Variants in MAGI2 observed in about 807,000 individuals in gnomAD.
The protein encoded by MAGI2 is membrane-associated guanylate kinase, WW and PDZ domain-containing protein 2.
A neutral mutation model predicts 133.3 loss-of-function variants in MAGI2; 35 were observed. The observed-to-expected ratio is 0.26, with a 90% CI of 0.20 to 0.35. MAGI2 has a LOEUF of 0.35. MAGI2 is among the 10% of genes least tolerant of loss of function. MAGI2 has a pLI of 1.00. For missense variants in MAGI2, 1,636 were observed against 1,863.4 expected (o/e 0.88, Z 2.25); for synonymous variants, 729 against 710.6 (o/e 1.03, Z -0.41).
intron 9 of MAGI2, among the ~76,000 whole-genome samples, chr7:78,296,724 ATGCT>A (rs1183584689): frequency 2.4e-4 from 37 of 152,196 alleles, no homozygotes; most frequent in African/African-American, 8.9e-4. Flanking sequence ...GGTTTCGGAA[ATGCT>A]TGCTTAAGCA....
chr7:79,039,868 A>AT (rs1491576354), intron 1 of MAGI2, among the ~76,000 whole-genome samples: 2 of 144,780 alleles, frequency 1.4e-5, no homozygotes, highest in Non-Finnish European at 3.0e-5. Context: ...TATATATATA[A>AT]TATATATGTA....
At chr7:78,129,743 G>C (rs1002224222) in intron 18 of MAGI2, among the ~76,000 whole-genome samples, 1 of 151,838 alleles carries the variant, frequency 6.6e-6, no homozygotes, top group African/African-American at 2.4e-5. Flanking sequence ...TCGGGAGTTC[G>C]AGACTAACAT....
At chr7:79,198,569 T>G (rs1262212782) in intron 1 of MAGI2, among the ~76,000 whole-genome samples, 2 of 151,996 alleles carry the variant, frequency 1.3e-5, no homozygotes, top group African/African-American at 4.8e-5. Context: ...CATACTCGCT[T>G]TCTTTGCTTA....
Position 78,019,867 on chromosome 7 carries a change from T to C in MAGI2, c.3816A>G (p.Pro1272=). 6.2e-7 allele frequency: 1 copy of C among 1,612,258 alleles called. No individual in the cohort carries two copies. Among genetic ancestry groups the C allele is most frequent in the South Asian group, 1.1e-5 (1 of 90,898 alleles). The change falls in exon 22 of 22, where the codon CCA becomes CCG. Residue 1272 remains proline (P), a synonymous_variant. Transcript: ENST00000354212. ...LAPFSPSHPA[P]PSDPSHQISP... is the part of the protein sequence containing the mutation. ...TTATCTGGTGGGAAGGGTCGGAGGG[T>C]GGGGCTGGATGTGATGGAGAGAATG...
At chr7:78,235,463 G>A (rs1002776047) in intron 10 of MAGI2, among the ~76,000 whole-genome samples, 25 of 152,272 alleles carry the variant, frequency 1.6e-4, no homozygotes, top group Non-Finnish European at 3.2e-4. Context: ...GGAACCCAGT[G>A]GGAAGTAATT....
At chr7:78,289,905 A>G (rs1796526806) in intron 9 of MAGI2, among the ~76,000 whole-genome samples, 1 of 152,182 alleles carries the variant, frequency 6.6e-6, no homozygotes, top group Non-Finnish European at 1.5e-5. Flanking sequence ...AAATGCTGAG[A>G]GATTTTGTCA....
At chr7:79,350,003 T>C (rs569270695) in intron 1 of MAGI2, among the ~76,000 whole-genome samples, 1 of 152,196 alleles carries the variant, frequency 6.6e-6, no homozygotes, top group Non-Finnish European at 1.5e-5. Context: ...CTAGCAGGCA[T>C]TCAGCCAATT....
intron 3 of MAGI2, among the ~76,000 whole-genome samples, chr7:78,582,764 A>T (rs1450061141): frequency 6.6e-6 from 1 of 152,044 alleles, no homozygotes; most frequent in African/African-American, 2.4e-5. Context: ...TATAACATAG[A>T]CTCCTCTAGA....
intron 2 of MAGI2, among the ~76,000 whole-genome samples, chr7:78,958,896 A>G (rs1237779323): frequency 6.6e-6 from 1 of 152,148 alleles, no homozygotes; most frequent in Non-Finnish European, 1.5e-5. Context: ...ATTTACAAAG[A>G]TATGTGCTGT....
chr7:79,040,406 T>C (rs904482278), intron 1 of MAGI2, among the ~76,000 whole-genome samples: 1 of 152,030 alleles, frequency 6.6e-6, no homozygotes, highest in African/African-American at 2.4e-5. Flanking sequence ...CTAATACATA[T>C]GTGGAAGCTA....
At chr7:78,225,711 G>C (rs1789304707) in intron 10 of MAGI2, among the ~76,000 whole-genome samples, 1 of 152,190 alleles carries the variant, frequency 6.6e-6, no homozygotes. Context: ...TATTTGGCAA[G>C]GACTGACCAG....
rs141174258 is a variant in MAGI2 at position 78,982,950 on chromosome 7, T to A, written c.418+24140A>T. Among the ~76,000 whole-genome samples, 361 of 152,048 alleles carry A rather than the reference T, an allele frequency of 2.4e-3. 3 individuals carry two copies. The highest frequency in any genetic ancestry group is 8.1e-3 in the African/African-American group (335 of 41,538). On this transcript the variant is annotated intron_variant, in intron 2 of 21. Coordinates refer to ENST00000354212, the MANE Select transcript of MAGI2 (RefSeq NM_012301.4). ...TCCCTGTCCAAAAATATGTGGCTAA[T>A]GAGCACTTGAAGTGTGGTTAGTCTG...
At chr7:79,348,375 G>C (rs1473569330) in intron 1 of MAGI2, among the ~76,000 whole-genome samples, 1 of 151,846 alleles carries the variant, frequency 6.6e-6, no homozygotes, top group African/African-American at 2.4e-5. Context: ...ACCATTTAAT[G>C]TGTATATAAG....
intron 2 of MAGI2, among the ~76,000 whole-genome samples, chr7:78,991,322 A>ACT (rs1438457366): frequency 6.6e-6 from 1 of 151,606 alleles, no homozygotes; most frequent in Non-Finnish European, 1.5e-5. Flanking sequence ...ACACATACAC[A>ACT]CACACACACA....
intron 2 of MAGI2, among the ~76,000 whole-genome samples, chr7:78,825,545 A>G (rs1790551869): frequency 6.6e-6 from 1 of 152,186 alleles, no homozygotes; most frequent in Non-Finnish European, 1.5e-5. Context: ...TGGGCACTTT[A>G]TTAAATTGAA....
intron 2 of MAGI2, among the ~76,000 whole-genome samples, chr7:78,705,638 T>G (rs1818566609): frequency 6.6e-6 from 1 of 152,138 alleles, no homozygotes; most frequent in Non-Finnish European, 1.5e-5. Context: ...CTGATTCTCA[T>G]TTTGTTTGCA....
chr7:79,441,776 A>T (rs1233010916), intron 1 of MAGI2, among the ~76,000 whole-genome samples: 1 of 152,154 alleles, frequency 6.6e-6, no homozygotes, highest in African/African-American at 2.4e-5. Flanking sequence ...CACCAAAGCA[A>T]TGCCAGTACT....
chr7:79,276,775 A>C (rs1835258370), intron 1 of MAGI2, among the ~76,000 whole-genome samples: 1 of 152,082 alleles, frequency 6.6e-6, no homozygotes, highest in Non-Finnish European at 1.5e-5. Context: ...ACCAACCTGG[A>C]CAACATGGCG....
intron 3 of MAGI2, chr7:78,618,891 G>A (rs1317458291): frequency 1.3e-5 from 2 of 151,140 alleles, no homozygotes; most frequent in South Asian, 2.1e-4. Context: ...ACACATCAAG[G>A]GGAAATGTTG....
Sources: allele counts gnomAD v4.1 joint callset (sites outside exome capture counted in the v4.1 genomes callset), GRCh38; gene constraint gnomAD v4.1.1; transcripts MANE v1.5; gene names NCBI Gene and HGNC (gene_info 2026-07-23, HGNC 2026-07-21).